Variants in LMO7 observed in about 807,000 individuals in gnomAD.
LMO7 encodes the protein LIM domain only protein 7.
LMO7 carries 120 observed loss-of-function variants against 206.5 expected under a neutral mutation model. That is an observed-to-expected ratio of 0.58 (90% CI 0.50 to 0.68). The LOEUF is 0.68. LMO7 is among the 30% of genes least tolerant of loss of function. The pLI, the probability that LMO7 is intolerant of heterozygous loss-of-function variation, is 0.00. For missense variants in LMO7, 1,959 were observed against 1,957.9 expected, an observed-to-expected ratio of 1.00 and a Z score of -0.01; for synonymous variants, 706 against 681.5, an observed-to-expected ratio of 1.04 and a Z score of -0.56.
rs542372185 is a variant in LMO7, at chr13:75,724,856, T to G, written c.141-2173T>G. On this transcript the variant is annotated intron_variant, in intron 2 of 30. Coordinates refer to ENST00000377534, the MANE Select transcript of LMO7 (RefSeq NM_001306080.2). ...AAAATAAAACAGAGTTTTCCTTTAG[T>G]GACTCAATTTTTTAGAGGCTACTTT... 2.6e-3 allele frequency among the ~76,000 whole-genome samples: 402 copies of G among 152,264 alleles called. 2 individuals are homozygous for G. Among genetic ancestry groups the G allele is most frequent in the African/African-American group, 8.0e-3 (333 of 41,568 alleles).
chr13:75,782,262 G>C (rs1423792160), intron 4 of LMO7, among the ~76,000 whole-genome samples: 10 of 152,206 alleles, frequency 6.6e-5, no homozygotes, highest in Admixed American at 6.5e-4. Flanking sequence ...ATTAGCTGTA[G>C]ATGAGGATTA....
chr13:75,816,878 T>G, intron 11 of LMO7: 2 of 229,082 alleles, frequency 8.7e-6, no homozygotes, highest in Non-Finnish European at 1.7e-5. Context: ...AACCTTGGGT[T>G]TTTGTTTGTT....
At chr13:75,823,310 T>A (rs1220004754) in intron 14 of LMO7, among the ~76,000 whole-genome samples, 1 of 152,224 alleles carries the variant, frequency 6.6e-6, no homozygotes, top group Non-Finnish European at 1.5e-5. Context: ...ATGCTTAAGA[T>A]GTTTGCTTGG....
Position 75,789,716 on chromosome 13 carries a change from G to A in LMO7, c.318-5685G>A, listed in dbSNP as rs577666520. Among the ~76,000 whole-genome samples the A allele has an allele frequency of 2.4e-4, 36 of 152,202 alleles. 1 individual carries two copies. The highest frequency in any genetic ancestry group is 7.7e-4 in the African/African-American group (32 of 41,502). ...GCTCTAAACATACCCTGGGGAAGGC[G>A]GTGCTGGGTGCATGTGCATGGGCCC... On this transcript the variant is annotated intron_variant, in intron 4 of 30. Coordinates refer to ENST00000377534, the MANE Select transcript of LMO7 (RefSeq NM_001306080.2).
intron 5 of LMO7, among the ~76,000 whole-genome samples, chr13:75,796,376 A>AT (rs1382069301): frequency 6.6e-6 from 1 of 152,196 alleles, no homozygotes; most frequent in Non-Finnish European, 1.5e-5. Context: ...CTCTTCGTAT[A>AT]TACTAGTAGA....
chr13:75,812,258 A>G (rs1007451004), intron 11 of LMO7, among the ~76,000 whole-genome samples: 1 of 152,334 alleles, frequency 6.6e-6, no homozygotes, highest in East Asian at 1.9e-4. Context: ...GAGACTATAA[A>G]TCTATAAATG....
intron 3 of LMO7, among the ~76,000 whole-genome samples, chr13:75,744,296 G>C (rs558762925): frequency 3.9e-5 from 6 of 152,246 alleles, no homozygotes; most frequent in Admixed American, 2.0e-4. Flanking sequence ...TTTATTTCTA[G>C]CATAATCTCT....
At chr13:75,687,031 G>C (rs944755887) in intron 1 of LMO7, among the ~76,000 whole-genome samples, 2 of 152,108 alleles carry the variant, frequency 1.3e-5, no homozygotes, top group Admixed American at 1.3e-4. Flanking sequence ...TCACATTGAG[G>C]GTTAGGATTT....
chr13:75,732,045 G>C (rs1490634707), intron 3 of LMO7, among the ~76,000 whole-genome samples: 1 of 151,888 alleles, frequency 6.6e-6, no homozygotes, highest in Non-Finnish European at 1.5e-5. Context: ...TTTCTCTCTG[G>C]CTGCCCTTAA....
intron 3 of LMO7, among the ~76,000 whole-genome samples, chr13:75,735,489 G>A (rs938990879): frequency 1.3e-5 from 2 of 152,112 alleles, no homozygotes; most frequent in Non-Finnish European, 2.9e-5. Context: ...TTGAGATGGA[G>A]TCTCACTCTG....
intron 1 of LMO7, among the ~76,000 whole-genome samples, chr13:75,670,344 G>A (rs919202899): frequency 2.6e-5 from 4 of 152,134 alleles, no homozygotes; most frequent in African/African-American, 7.2e-5. Flanking sequence ...GTACAGGCAT[G>A]TGTAACTAAA....
At chr13:75,746,029 G>A (rs1259685229) in intron 3 of LMO7, among the ~76,000 whole-genome samples, 2 of 152,140 alleles carry the variant, frequency 1.3e-5, no homozygotes, top group African/African-American at 2.4e-5. Context: ...AGTAGTCCAG[G>A]CAAGAGGGAA....
At chr13:75,727,140 T>G in intron 3 of LMO7, 42 bp downstream of exon 3, 1 of 1,321,820 alleles carries the variant, frequency 7.6e-7, no homozygotes. Context: ...TATTTGTCTT[T>G]GAAATGTAAA....
At chr13:75,828,768 G>A (rs1223853854) in intron 15 of LMO7, among the ~76,000 whole-genome samples, 2 of 152,188 alleles carry the variant, frequency 1.3e-5, no homozygotes, top group African/African-American at 4.8e-5. Flanking sequence ...GTTTAGGGGA[G>A]ATCATGGCCT....
intron 2 of LMO7, among the ~76,000 whole-genome samples, chr13:75,629,754 T>G (rs1593874631): frequency 6.6e-6 from 1 of 152,154 alleles, no homozygotes; most frequent in African/African-American, 2.4e-5. Flanking sequence ...CATCACTGTT[T>G]CTGAAATCTA....
chr13:75,682,903 C>T (rs2040663166), intron 1 of LMO7, among the ~76,000 whole-genome samples: 1 of 152,172 alleles, frequency 6.6e-6, no homozygotes. Flanking sequence ...AGCATATTCT[C>T]ATGTGCTTAT....
At chr13:75,839,727 CTTTTT>C (rs35308084) in intron 20 of LMO7, 17 of 145,554 alleles carry the variant, frequency 1.2e-4, no homozygotes, top group Non-Finnish European at 1.6e-4. Context: ...ATTTGAAATT[CTTTTT>C]TTTTTTTTTT....
At chr13:75,846,709 A>C (rs2060022726) in intron 26 of LMO7, among the ~76,000 whole-genome samples, 1 of 152,058 alleles carries the variant, frequency 6.6e-6, no homozygotes, top group Non-Finnish European at 1.5e-5. Flanking sequence ...CCCTTTATTA[A>C]CTCATTGCAA....
intron 3 of LMO7, among the ~76,000 whole-genome samples, chr13:75,751,881 C>T (rs1192268298): frequency 2.6e-5 from 4 of 152,078 alleles, no homozygotes; most frequent in Non-Finnish European, 5.9e-5. Flanking sequence ...AGAGTATTCC[C>T]TTTATATTTG....
Sources: gnomAD v4.1 joint callset for allele counts (sites outside exome capture counted in the v4.1 genomes callset) on GRCh38, gnomAD v4.1.1 for gene constraint, MANE v1.5 for transcripts, NCBI Gene and HGNC (gene_info 2026-07-23, HGNC 2026-07-21) for gene names.